The following SPTA1 variants were observed in gnomAD, a reference collection of about 807,000 sequenced individuals.
SPTA1 encodes spectrin alpha chain, erythrocytic 1.
In SPTA1, 177 loss-of-function variants were observed where a neutral mutation model predicts 324.7. The observed-to-expected ratio is 0.55, with a 90% CI of 0.48 to 0.62. The LOEUF (loss-of-function observed/expected upper bound fraction) is 0.62. Among genes scored for constraint, SPTA1 ranks in the 20% least tolerant of loss-of-function variants. The pLI is 0.00. For missense variants in SPTA1, 3,162 were observed against 2,883.6 expected, an observed-to-expected ratio of 1.10 and a Z score of -2.21; for synonymous variants, 1,195 against 1,041.3, an observed-to-expected ratio of 1.15 and a Z score of -2.84.
intron 39 of SPTA1, among the ~76,000 whole-genome samples, chr1:158,630,558 A>G (rs150518997): frequency 1.1e-4 from 16 of 152,202 alleles, no homozygotes; most frequent in Non-Finnish European, 1.5e-4. Flanking sequence ...GTAGGGTAAA[A>G]TCTTCATGAT....
intron 8 of SPTA1, among the ~76,000 whole-genome samples, chr1:158,675,060 C>T (rs990546665): frequency 2.6e-5 from 4 of 152,072 alleles, no homozygotes; most frequent in Admixed American, 6.6e-5. Flanking sequence ...CTAGAATTAG[C>T]ATTAGGATTC....
chr1:158,654,508 T>G (rs1381201839), intron 21 of SPTA1, 103 bp downstream of exon 21: 2 of 1,483,842 alleles, frequency 1.3e-6, no homozygotes, highest in Non-Finnish European at 1.8e-6. Flanking sequence ...AATAAAATAA[T>G]AAAATAAATG....
At chr1:158,646,843 G>A (rs946279633) in intron 27 of SPTA1, among the ~76,000 whole-genome samples, 1 of 152,136 alleles carries the variant, frequency 6.6e-6, no homozygotes, top group African/African-American at 2.4e-5. Flanking sequence ...GCTCCTCTCA[G>A]CTGACTGATG....
At chr1:158,682,855 C>T (rs778284596) in intron 3 of SPTA1, among the ~76,000 whole-genome samples, 7 of 152,042 alleles carry the variant, frequency 4.6e-5, no homozygotes, top group Non-Finnish European at 7.4e-5. Context: ...TTTCTGACTA[C>T]ATGACATTTG....
chr1:158,635,833 C>A (rs1486155622), intron 38 of SPTA1, 80 bp downstream of exon 38: 2 of 1,601,430 alleles, frequency 1.2e-6, no homozygotes, highest in East Asian at 2.2e-5. Context: ...CAATGCTGAG[C>A]AGGCACTTAA....
intron 5 of SPTA1, among the ~76,000 whole-genome samples, 198 bp downstream of exon 5, chr1:158,680,385 A>G (rs1292932892): frequency 1.3e-5 from 2 of 151,942 alleles, no homozygotes; most frequent in Non-Finnish European, 2.9e-5. Flanking sequence ...TTCTCTCTCA[A>G]CCCTCCATTT....
At chr1:158,613,418 T>C (rs1649372896) in intron 50 of SPTA1, among the ~76,000 whole-genome samples, 1 of 152,068 alleles carries the variant, frequency 6.6e-6, no homozygotes, top group Non-Finnish European at 1.5e-5. Flanking sequence ...CTCCTTAAAA[T>C]CTCACATACA....
intron 39 of SPTA1, among the ~76,000 whole-genome samples, chr1:158,630,804 AAAAAAT>A (rs1411008657): frequency 6.6e-6 from 1 of 151,980 alleles, no homozygotes; most frequent in Admixed American, 6.6e-5. Flanking sequence ...AAAAGTAAAT[AAAAAAT>A]AAAAATAAAA....
intron 29 of SPTA1, 51 bp downstream of exon 29, chr1:158,645,137 T>G: frequency 1.3e-6 from 2 of 1,595,824 alleles, no homozygotes; most frequent in South Asian, 2.2e-5. Context: ...TGAAATTGCA[T>G]AGGAGAAACA....
In SPTA1 at chr1:158,664,027, T is replaced by A. The variant is rs140380358; in HGVS notation, c.2221-1082A>T. Among the ~76,000 whole-genome samples the A allele has an allele frequency of 2.2e-3, 305 of 141,686 alleles. 3 individuals carry two copies. The highest frequency in any genetic ancestry group is 9.0e-3 in the African/African-American group (297 of 33,036). 93.0% of individuals were successfully genotyped at this position (141,686 alleles called of 152,430 possible). On this transcript the variant is annotated intron_variant, in intron 16 of 51. Transcript: ENST00000643759. ...ACTATCAGTAACTTCTTAAAGCACA[T>A]ACTCACTTCTCCATAAAAAAATTAA...
chr1:158,628,666 T>C (rs903915911), intron 39 of SPTA1, among the ~76,000 whole-genome samples: 2 of 152,172 alleles, frequency 1.3e-5, no homozygotes, highest in Non-Finnish European at 2.9e-5. Context: ...TTTTTATATA[T>C]GTATACTGCA....
At chr1:158,681,392 T>A in intron 4 of SPTA1, 135 bp downstream of exon 4, 2 of 1,436,062 alleles carry the variant, frequency 1.4e-6, no homozygotes, top group Non-Finnish European at 2.0e-6. Flanking sequence ...TGGCCCCAAT[T>A]TCCTCTTGTT....
intron 4 of SPTA1, among the ~76,000 whole-genome samples, chr1:158,681,070 G>T (rs1654771686): frequency 6.6e-6 from 1 of 152,006 alleles, no homozygotes; most frequent in South Asian, 2.1e-4. Context: ...ATTTTGTTAG[G>T]CATTTGCTTA....
rs902215557 is a variant in SPTA1 at position 158,680,839 on chromosome 1, G to A, written c.532-110C>T. On this transcript the variant is annotated intron_variant, in intron 4 of 51. Coordinates refer to ENST00000643759, the MANE Select transcript of SPTA1 (RefSeq NM_003126.4). The stretch of plus-strand genomic sequence containing the variant: ...CCAGGATAACTCAAATGGAGATACT[G>A]GGGGAGACTGGGAGAAGCTCTCCTG... The A allele has an allele frequency of 3.6e-6, 5 of 1,397,880 alleles. No individual in the cohort carries two copies. In the East Asian group the frequency reaches 7.0e-5, roughly 20 times the overall value. The allele number at this position is 1,397,880 out of a possible 1,614,324, so 86.6% of individuals were successfully genotyped here.
intron 51 of SPTA1, 67 bp downstream of exon 51, chr1:158,612,750 C>T (rs1486600104): frequency 1.1e-5 from 18 of 1,589,546 alleles, no homozygotes; most frequent in Middle Eastern, 1.7e-4. Context: ...AGTAGGCCAC[C>T]GGGCCTGAGA....
Position 158,680,930 on chromosome 1 carries a change from C to T in SPTA1, c.532-201G>A, listed in dbSNP as rs142749479. Among the ~76,000 whole-genome samples the T allele has an allele frequency of 2.3e-3, 343 of 152,194 alleles. 2 individuals are homozygous for T. The highest frequency in any genetic ancestry group is 7.9e-3 in the African/African-American group (329 of 41,536). The stretch of plus-strand genomic sequence containing the variant: ...CTTGGCACAAGGGAAAGTGCTCTTT[C>T]GGGCAGTTCTTTAGCAAGTTTGTGG... On this transcript the variant is annotated intron_variant, in intron 4 of 51. Transcript: ENST00000643759.
At chr1:158,674,959 G>A (rs1181962878) in intron 8 of SPTA1, among the ~76,000 whole-genome samples, 2 of 152,014 alleles carry the variant, frequency 1.3e-5, no homozygotes, top group Non-Finnish European at 2.9e-5. Context: ...CTACCCTAGA[G>A]GTACTTAAAA....
chr1:158,643,457 C>T, intron 30 of SPTA1, 32 bp from the exon 31 acceptor site: 1 of 1,602,284 alleles, frequency 6.2e-7, no homozygotes, highest in Admixed American at 1.7e-5. Flanking sequence ...AGCCCAGATG[C>T]TTGGAGATTA....
chr1:158,656,660 C>T lies in SPTA1; in HGVS notation c.2806-4G>A. On this transcript the variant is annotated splice_region_variant and splice_polypyrimidine_tract_variant and intron_variant, in intron 19 of 51. Transcript: ENST00000643759. ...CCTCATGCTTCTTTAGAAGAGCCTG[C>T]ATTTATTGATGGAAGATCATCAGAA... The T allele has an allele frequency of 1.2e-6, 2 of 1,610,532 alleles. No individual in the cohort carries two copies. Among genetic ancestry groups the T allele is most frequent in the Non-Finnish European group, 1.7e-6 (2 of 1,177,306 alleles).
Sources: allele counts gnomAD v4.1 joint callset (sites outside exome capture counted in the v4.1 genomes callset), GRCh38; gene constraint gnomAD v4.1.1; transcripts MANE v1.5; gene names NCBI Gene and HGNC (gene_info 2026-07-23, HGNC 2026-07-21).